SHANK2: variants seen among roughly 807,000 people sequenced by gnomAD.
SHANK2 encodes the protein SH3 and multiple ankyrin repeat domains 2.
A neutral mutation model predicts 133.7 loss-of-function variants in SHANK2; 43 were observed. The observed-to-expected ratio is 0.32, with a 90% CI of 0.25 to 0.41. The LOEUF (loss-of-function observed/expected upper bound fraction) is 0.41, where lower values mean the gene tolerates loss of function less well. Ranked by LOEUF, SHANK2 falls within the 10% of genes least tolerant of loss-of-function variation. The pLI is 1.00. For synonymous variants in SHANK2, 1,017 were observed against 952.8 expected (o/e 1.07, Z -1.24); for missense variants, 1,994 against 2,235.8 (o/e 0.89, Z 2.18).
chr11:70,773,188 C>T (rs1042965459), intron 14 of SHANK2, among the ~76,000 whole-genome samples: 14 of 152,322 alleles, frequency 9.2e-5, no homozygotes, highest in East Asian at 3.9e-4. Flanking sequence ...GCCAGTGCAC[C>T]GCTCAAGAAC....
At chr11:71,067,331 C>T (rs1951077950) in intron 9 of SHANK2, among the ~76,000 whole-genome samples, 1 of 152,182 alleles carries the variant, frequency 6.6e-6, no homozygotes, top group Non-Finnish European at 1.5e-5. Flanking sequence ...TTTTACCTTC[C>T]AGACAAATTG....
chr11:70,933,518 T>G (rs994394039), intron 10 of SHANK2, among the ~76,000 whole-genome samples: 1 of 152,220 alleles, frequency 6.6e-6, no homozygotes, highest in Non-Finnish European at 1.5e-5. Flanking sequence ...AATTTTAGGT[T>G]ATGTGTATTT....
rs2058612966 is a variant in SHANK2, at chr11:70,472,875, G to A, written c.5544C>T (p.Asp1848=). ...AGGTGGAGAGCAGCCGTCCTTATCT[G>A]TCCAGCAGCTGTTTCAAAGCCCTTT... ...NIERALKQLL[D]R The change falls in exon 26 of 26, where the codon GAC becomes GAT. Residue 1848 remains aspartate, a synonymous_variant. Transcript: ENST00000601538. This position sits in a 1 kb window ranked among gnomAD's most constrained non-coding sequence, Gnocchi z 4.4. 1 of 1,614,170 alleles carries A rather than the reference G, an allele frequency of 6.2e-7. No individual in the cohort carries two copies. Among genetic ancestry groups the A allele is most frequent in the Non-Finnish European group, 8.5e-7 (1 of 1,180,002 alleles).
At chr11:70,780,169 T>C (rs1555044824) in intron 14 of SHANK2, among the ~76,000 whole-genome samples, 1 of 152,208 alleles carries the variant, frequency 6.6e-6, no homozygotes, top group Non-Finnish European at 1.5e-5. Flanking sequence ...CAGACAATTT[T>C]AGGCTTCTCC....
At chr11:70,834,162 C>A (rs1948771027) in intron 11 of SHANK2, among the ~76,000 whole-genome samples, 1 of 152,244 alleles carries the variant, frequency 6.6e-6, no homozygotes, top group African/African-American at 2.4e-5. Context: ...TAAGGCTCCA[C>A]CCCATATTTC....
At chr11:70,846,902 A>G (rs1170701812) in intron 11 of SHANK2, among the ~76,000 whole-genome samples, 2 of 152,192 alleles carry the variant, frequency 1.3e-5, no homozygotes, top group African/African-American at 4.8e-5. Flanking sequence ...GGCCCAGAGC[A>G]TGGTTCAAGG....
At chr11:70,687,357 C>A (rs1217579426) in intron 15 of SHANK2, among the ~76,000 whole-genome samples, 1 of 152,180 alleles carries the variant, frequency 6.6e-6, no homozygotes, top group African/African-American at 2.4e-5. Context: ...CGACTCAGAG[C>A]ACAAGGTTGG....
intron 14 of SHANK2, among the ~76,000 whole-genome samples, chr11:70,734,317 T>C (rs1946354581): frequency 1.3e-5 from 2 of 152,158 alleles, no homozygotes; most frequent in African/African-American, 4.8e-5. Flanking sequence ...ACGGGCAGAA[T>C]AGTTAAAACC....
At position 71,118,955 on chromosome 11, in the gene SHANK2, C is replaced by T; in HGVS notation, c.285G>A (p.Leu95=). The T allele has an allele frequency of 1.3e-6, 2 of 1,551,788 alleles. No individual in the cohort carries two copies. Among genetic ancestry groups the T allele is most frequent in the Non-Finnish European group, 1.7e-6 (2 of 1,147,012 alleles). Residue 95 remains leucine, a synonymous_variant, in exon 4 of 26, where the codon TTG becomes TTA. Transcript: ENST00000601538. ...QRILCTLTQS[L]KDVLNYGLFQ... ...ACAGGCCGTAGTTCAGGACATCTTT[C>T]AAACTCTGGGTTAATGTACACAGGA...
chr11:70,863,346 C>T, intron 11 of SHANK2: 1 of 458,194 alleles, frequency 2.2e-6, no homozygotes, highest in South Asian at 1.5e-5. Flanking sequence ...ATGCCGGCTC[C>T]CCGAACACAG....
intron 17 of SHANK2, among the ~76,000 whole-genome samples, chr11:70,529,519 CT>C (rs1356357371): frequency 1.5e-4 from 23 of 152,238 alleles, no homozygotes; most frequent in Non-Finnish European, 4.4e-5. Flanking sequence ...AGGTCCTCCT[CT>C]CCTGACAGGG....
intron 11 of SHANK2, among the ~76,000 whole-genome samples, chr11:70,827,981 C>A (rs1555057548): frequency 6.6e-6 from 1 of 152,116 alleles, no homozygotes; most frequent in Non-Finnish European, 1.5e-5. Flanking sequence ...AGCTGAGCAC[C>A]CGAACAGCAT....
At chr11:70,656,604 C>T (rs1555011682) in intron 17 of SHANK2, among the ~76,000 whole-genome samples, 2 of 152,118 alleles carry the variant, frequency 1.3e-5, no homozygotes, top group African/African-American at 2.4e-5. Flanking sequence ...CTGGGAATTC[C>T]GGCACACTAG....
chr11:71,154,552 C>A (rs1402350273), intron 2 of SHANK2, among the ~76,000 whole-genome samples: 1 of 152,222 alleles, frequency 6.6e-6, no homozygotes, highest in East Asian at 1.9e-4. Flanking sequence ...AGCTAGAACA[C>A]AACACATGGG....
At chr11:71,086,543 T>C (rs1171627727) in intron 8 of SHANK2, among the ~76,000 whole-genome samples, 1 of 142,046 alleles carries the variant, frequency 7.0e-6, no homozygotes, top group Non-Finnish European at 1.5e-5. Context: ...TATATAAATA[T>C]ATTATATATA....
chr11:71,220,763 G>C (rs1052424164), intron 2 of SHANK2, among the ~76,000 whole-genome samples: 1 of 152,096 alleles, frequency 6.6e-6, no homozygotes, highest in African/African-American at 2.4e-5. Flanking sequence ...GTTGTCAGGG[G>C]CTGGGGAAGA....
intron 11 of SHANK2, among the ~76,000 whole-genome samples, chr11:70,851,770 A>T (rs1308685459): frequency 6.6e-6 from 1 of 152,234 alleles, no homozygotes; most frequent in Non-Finnish European, 1.5e-5. Context: ...AATACTTGAG[A>T]GAGCAGTAGC....
At chr11:71,244,924 G>A (rs189963733) in intron 1 of SHANK2, among the ~76,000 whole-genome samples, 12 of 151,964 alleles carry the variant, frequency 7.9e-5, no homozygotes, top group Admixed American at 5.9e-4. Flanking sequence ...GGCTGGTCTC[G>A]AACTCCTGAC....
Position 70,472,520 on chromosome 11 carries a change from C to T in SHANK2, c.*349G>A, listed in dbSNP as rs1555148829. The T allele has an allele frequency of 1.9e-5, 7 of 375,154 alleles. No homozygotes were observed. Among genetic ancestry groups the T allele is most frequent in the East Asian group, 6.7e-5 (1 of 15,010 alleles). 23.2% of individuals were successfully genotyped at this position (375,154 alleles called of 1,614,324 possible). A position where few individuals can be genotyped will look rare whatever the true frequency, so the allele number is the denominator to read the frequency against. On this transcript the variant is annotated 3_prime_UTR_variant, in exon 26 of 26. Coordinates refer to ENST00000601538, the MANE Select transcript of SHANK2 (RefSeq NM_012309.5). The surrounding 1 kb of genome is among the most constrained non-coding windows in gnomAD (Gnocchi z 4.4). ...GGTATCTAGAGTGCACTGGTGTCTGCCTACAAGAGCTAGGATCCCGTGCAA... is the reference window on the plus strand; with the variant it reads ...GGTATCTAGAGTGCACTGGTGTCTGTCTACAAGAGCTAGGATCCCGTGCAA...
Sources: allele counts gnomAD v4.1 joint callset (sites outside exome capture counted in the v4.1 genomes callset), GRCh38; gene constraint gnomAD v4.1.1; non-coding constraint Gnocchi (gnomAD v3.1); transcripts MANE v1.5; gene names NCBI Gene and HGNC (gene_info 2026-07-23, HGNC 2026-07-21).